PANK3: variants seen among roughly 807,000 people sequenced by gnomAD.
The protein encoded by PANK3 is hPanK3.
PANK3 carries 20 observed loss-of-function variants against 39.4 expected under a neutral mutation model. The observed-to-expected ratio is 0.51, with a 90% CI of 0.36 to 0.74. PANK3 has a LOEUF of 0.74. PANK3 is among the 30% of genes least tolerant of loss of function. PANK3 has a pLI of 0.00. For missense variants in PANK3, 265 were observed against 437.0 expected, an observed-to-expected ratio of 0.61 and a Z score of 3.51; for synonymous variants, 140 against 157.3, an observed-to-expected ratio of 0.89 and a Z score of 0.82.
chr5:168,577,338 A>C (rs1759746027), intron 1 of PANK3, among the ~76,000 whole-genome samples: 1 of 152,228 alleles, frequency 6.6e-6, no homozygotes, highest in East Asian at 1.9e-4. Context: ...CCAGATTTTC[A>C]GCATGATTCA....
intron 3 of PANK3, among the ~76,000 whole-genome samples, chr5:168,564,594 A>G (rs1759496187): frequency 6.6e-6 from 1 of 152,072 alleles, no homozygotes; most frequent in Non-Finnish European, 1.5e-5. Context: ...ACCACACTGG[A>G]CTAATATATA....
intron 4 of PANK3, among the ~76,000 whole-genome samples, chr5:168,562,926 C>T (rs906394567): frequency 6.6e-6 from 1 of 151,718 alleles, no homozygotes; most frequent in African/African-American, 2.4e-5. Context: ...AATGCTGGTA[C>T]ATCAACAGAA....
Position 168,556,891 on chromosome 5 carries a change from TTGAC to T in PANK3, c.*676_*679del, listed in dbSNP as rs1225906346. The stretch of plus-strand genomic sequence containing the variant: ...AAAATGTTAAACATTTCAACATGTA[TTGAC>T]TAATTCCTGTAAAATACAGAAAGTG... On this transcript the variant is annotated 3_prime_UTR_variant, in exon 7 of 7. Coordinates refer to ENST00000239231, the MANE Select transcript of PANK3 (RefSeq NM_024594.4). The T allele has an allele frequency of 1.3e-5, 2 of 152,674 alleles. No homozygotes were observed. Among genetic ancestry groups the T allele is most frequent in the African/African-American group, 2.4e-5 (1 of 41,466 alleles). 9.5% of individuals were successfully genotyped at this position (152,674 alleles called of 1,614,324 possible). A position where few individuals can be genotyped will look rare whatever the true frequency, so the allele number is the denominator to read the frequency against.
At chr5:168,561,547 TG>T in intron 4 of PANK3, 31 bp from the exon 5 acceptor site, 1 of 1,532,540 alleles carries the variant, frequency 6.5e-7, no homozygotes, top group Non-Finnish European at 8.8e-7. Context: ...AAGTCAAATC[TG>T]CTGATAAAAA....
Position 168,554,123 on chromosome 5 carries a change from T to C in PANK3, c.*3448A>G, listed in dbSNP as rs912331579. 6.6e-6 allele frequency: 1 copy of C among 152,218 alleles called. No homozygotes were observed. Among genetic ancestry groups the C allele is most frequent in the Non-Finnish European group, 1.5e-5 (1 of 68,034 alleles). The allele number at this position is 152,218 out of a possible 1,614,324, so 9.4% of individuals were successfully genotyped here. On this transcript the variant is annotated 3_prime_UTR_variant, in exon 7 of 7. Transcript: ENST00000239231. ...ACCTGGGAATTTATTCTCTCTTTTG[T>C]ATTTTTGATAGTGATTACAAAGTTT...
At chr5:168,562,253 CA>C (rs1182733659) in intron 4 of PANK3, among the ~76,000 whole-genome samples, 2 of 151,410 alleles carry the variant, frequency 1.3e-5, no homozygotes, top group Non-Finnish European at 2.9e-5. Flanking sequence ...GAAATACAAA[CA>C]AAAAAATATC....
intron 1 of PANK3, 52 bp from the exon 2 acceptor site, chr5:168,569,050 T>TATATATATATATATATATATA (rs1759584786): frequency 2.5e-6 from 1 of 398,252 alleles, no homozygotes; most frequent in Non-Finnish European, 3.7e-6. Flanking sequence ...TATATATATA[T>TATATATATATATATATATATA]CCATTTTAGA....
intron 3 of PANK3, 131 bp downstream of exon 3, chr5:168,565,882 T>C: frequency 4.4e-6 from 1 of 226,170 alleles, no homozygotes; most frequent in South Asian, 1.3e-4. Context: ...TATATATATA[T>C]ATATTTTTTT....
rs756889415 is a variant in PANK3 at position 168,548,614 on chromosome 5, C to T, written c.*8957G>A. ...AACTACAGAAAAAAAGGCAGAGAAA[C>T]TGAAGTTGGCTTAATGGTTATCCAA... On this transcript the variant is annotated 3_prime_UTR_variant, in exon 7 of 7. Coordinates refer to ENST00000239231, the MANE Select transcript of PANK3 (RefSeq NM_024594.4). The T allele has an allele frequency of 6.6e-6, 1 of 152,072 alleles. No homozygotes were observed. Among genetic ancestry groups the T allele is most frequent in the Non-Finnish European group, 1.5e-5 (1 of 68,022 alleles). The allele number at this position is 152,072 out of a possible 1,614,324, so 9.4% of individuals were successfully genotyped here.
chr5:168,560,818 G>A (rs1013348653), intron 5 of PANK3: 5 of 266,112 alleles, frequency 1.9e-5, no homozygotes, highest in African/African-American at 1.1e-4. Context: ...CCAACTATAT[G>A]GTCAATCTAA....
intron 1 of PANK3, among the ~76,000 whole-genome samples, chr5:168,578,007 G>A (rs1237609756): frequency 6.6e-6 from 1 of 152,228 alleles, no homozygotes; most frequent in African/African-American, 2.4e-5. Context: ...ACTATGACAG[G>A]ATCTATTCAG....
At position 168,549,959 on chromosome 5, in the gene PANK3, C is replaced by T. The variant is rs574060127; in HGVS notation, c.*7612G>A. On this transcript the variant is annotated 3_prime_UTR_variant, in exon 7 of 7. Coordinates refer to ENST00000239231, the MANE Select transcript of PANK3 (RefSeq NM_024594.4). ...GAGACATGGTTCTTCCCACATCTAT[C>T]CCCACTCACAATGATCAGAAATAAG... 2.4e-4 allele frequency: 36 copies of T among 152,140 alleles called. No homozygotes were observed. Among genetic ancestry groups the T allele is most frequent in the African/African-American group, 8.4e-4 (35 of 41,488 alleles). The allele number at this position is 152,140 out of a possible 1,614,324, so 9.4% of individuals were successfully genotyped here.
intron 1 of PANK3, among the ~76,000 whole-genome samples, chr5:168,574,964 T>C (rs1759708982): frequency 6.6e-6 from 1 of 152,098 alleles, no homozygotes. Flanking sequence ...AAGTAGGTCA[T>C]CAGTGCACAA....
At position 168,561,377 on chromosome 5, in the gene PANK3, T is replaced by G; in HGVS notation, c.936+16A>C. 6.4e-7 allele frequency: 1 copy of G among 1,562,228 alleles called. No individual in the cohort carries two copies. The highest frequency in any genetic ancestry group is 8.6e-7 in the Non-Finnish European group (1 of 1,159,154). ...CATTTTTGATAATTCAAGTTTTGTG[T>G]TTTTTGTTTTTTTACCTCATTAACA... On this transcript the variant is annotated intron_variant, in intron 5 of 6. Transcript: ENST00000239231.
At position 168,552,628 on chromosome 5, in the gene PANK3, A is replaced by G; in HGVS notation, c.*4943T>C. 4.5e-6 allele frequency: 1 copy of G among 221,858 alleles called. No individual in the cohort carries two copies. Among genetic ancestry groups the G allele is most frequent in the South Asian group, 9.4e-5 (1 of 10,596 alleles). 13.7% of individuals were successfully genotyped at this position (221,858 alleles called of 1,614,324 possible). On this transcript the variant is annotated 3_prime_UTR_variant, in exon 7 of 7. Transcript: ENST00000239231. ...ACTTCAGAGAAGGCCACAAAGACCA[A>G]GATAGCCCCACTACAGACAAAGCTC... is the stretch of plus-strand genomic sequence containing the variant.
intron 3 of PANK3, among the ~76,000 whole-genome samples, chr5:168,564,870 T>C (rs1424963534): frequency 2.0e-5 from 3 of 152,260 alleles, no homozygotes; most frequent in Non-Finnish European, 4.4e-5. Context: ...AGTAAATTTA[T>C]GTCCAGCTGG....
chr5:168,579,194 G>T, intron 1 of PANK3, 62 bp downstream of exon 1: 1 of 1,426,180 alleles, frequency 7.0e-7, no homozygotes, highest in Non-Finnish European at 9.3e-7. Flanking sequence ...CCCAGCCAAG[G>T]GGCTTTCAGA....
At chr5:168,572,973 T>C (rs866323366) in intron 1 of PANK3, among the ~76,000 whole-genome samples, 1 of 152,222 alleles carries the variant, frequency 6.6e-6, no homozygotes, top group African/African-American at 2.4e-5. Context: ...GAGCATTTGT[T>C]GTATAGAATG....
chr5:168,577,893 T>C (rs1326641298), intron 1 of PANK3, among the ~76,000 whole-genome samples: 1 of 152,246 alleles, frequency 6.6e-6, no homozygotes, highest in African/African-American at 2.4e-5. Context: ...TTACTGCACC[T>C]GTTCAAGATG....
Sources: gnomAD v4.1 joint callset for allele counts (sites outside exome capture counted in the v4.1 genomes callset) on GRCh38, gnomAD v4.1.1 for gene constraint, MANE v1.5 for transcripts, NCBI Gene and HGNC (gene_info 2026-07-23, HGNC 2026-07-21) for gene names.